Variants in SEH1L observed in about 807,000 individuals in gnomAD.
The protein encoded by SEH1L is nucleoporin SEH1.
In SEH1L, 18 loss-of-function variants were observed where a neutral mutation model predicts 49.5. The ratio of observed to expected loss-of-function variants is 0.36; its 90% CI spans 0.25 to 0.54. The LOEUF (loss-of-function observed/expected upper bound fraction) is 0.54, where lower values mean the gene tolerates loss of function less well. SEH1L is among the 20% of genes least tolerant of loss of function. The pLI, the probability that SEH1L is intolerant of heterozygous loss-of-function variation, is 0.87. For synonymous variants in SEH1L, 169 were observed against 178.1 expected (o/e 0.95, Z 0.41); for missense variants, 404 against 528.8 (o/e 0.76, Z 2.31).
intron 5 of SEH1L, 92 bp from the exon 6 acceptor site, chr18:12,978,660 T>G: frequency 9.7e-7 from 1 of 1,031,244 alleles, no homozygotes. Flanking sequence ...TACATGATTG[T>G]GAGCAGTGTG....
intron 3 of SEH1L, among the ~76,000 whole-genome samples, chr18:12,960,966 C>T (rs561596014): frequency 6.6e-6 from 1 of 152,134 alleles, no homozygotes; most frequent in Admixed American, 6.5e-5. Flanking sequence ...AAGTAAAATA[C>T]ATTTGGAAGA....
intron 8 of SEH1L, chr18:12,985,790 ATTTC>A: frequency 1.1e-6 from 1 of 946,754 alleles, no homozygotes; most frequent in Non-Finnish European, 1.3e-6. Flanking sequence ...CAACTCTGTC[ATTTC>A]TTTGTAATAT....
intron 5 of SEH1L, among the ~76,000 whole-genome samples, chr18:12,975,411 A>T (rs541609431): frequency 1.3e-5 from 2 of 152,142 alleles, no homozygotes; most frequent in East Asian, 3.9e-4. Context: ...AGCGCCTAGG[A>T]TATGGATGAG....
Position 12,978,417 on chromosome 18 carries a change from T to C in SEH1L, c.621-335T>C, listed in dbSNP as rs149216760. On this transcript the variant is annotated intron_variant, in intron 5 of 8. Transcript: ENST00000399892. ...AGCATAACTCCAATCTCTGCCTCTG[T>C]GTTCACATGGCTGCCTCCTCTCTGT... 291 of 181,654 alleles carry C rather than the reference T, an allele frequency of 1.6e-3. 1 individual carries two copies. Among genetic ancestry groups the C allele is most frequent in the African/African-American group, 6.2e-3 (262 of 42,520 alleles). 11.3% of individuals were successfully genotyped at this position (181,654 alleles called of 1,614,324 possible). A position where few individuals can be genotyped will look rare whatever the true frequency, so the allele number is the denominator to read the frequency against.
intron 3 of SEH1L, among the ~76,000 whole-genome samples, chr18:12,961,380 T>C (rs550494009): frequency 1.3e-5 from 2 of 152,270 alleles, no homozygotes; most frequent in East Asian, 3.9e-4. Context: ...CAATGATTAG[T>C]TTAGAGAGAA....
intron 3 of SEH1L, among the ~76,000 whole-genome samples, chr18:12,960,168 A>C (rs561826350): frequency 6.6e-6 from 1 of 152,334 alleles, no homozygotes; most frequent in Admixed American, 6.5e-5. Flanking sequence ...ATTTTTCTTT[A>C]CATGACGCTG....
intron 6 of SEH1L, among the ~76,000 whole-genome samples, chr18:12,980,441 CGG>C: frequency 1.2e-5 from 1 of 81,236 alleles, no homozygotes; most frequent in African/African-American, 5.8e-5. Context: ...ACCTCCCTCC[CGG>C]ACGGGGCGGC....
intron 3 of SEH1L, among the ~76,000 whole-genome samples, chr18:12,959,517 G>A (rs937426920): frequency 6.6e-6 from 1 of 152,086 alleles, no homozygotes; most frequent in Non-Finnish European, 1.5e-5. Context: ...CTTGAAATTC[G>A]GTATGCTTCA....
intron 4 of SEH1L, among the ~76,000 whole-genome samples, chr18:12,970,910 T>C (rs2031671814): frequency 6.6e-6 from 1 of 152,216 alleles, no homozygotes; most frequent in Admixed American, 6.5e-5. Context: ...CTCCTTTCTA[T>C]CTGAGCCATA....
chr18:12,955,332 A>C (rs577642602), intron 2 of SEH1L, 131 bp from the exon 3 acceptor site: 2 of 798,968 alleles, frequency 2.5e-6, no homozygotes, highest in East Asian at 5.1e-5. Flanking sequence ...TTCTTCTCTC[A>C]TAGAAGTAAA....
intron 7 of SEH1L, among the ~76,000 whole-genome samples, chr18:12,983,512 T>C (rs1302845111): frequency 6.6e-6 from 1 of 152,216 alleles, no homozygotes. Flanking sequence ...CTAACTTGAT[T>C]TTCTTGGGCT....
At chr18:12,978,475 C>G in intron 5 of SEH1L, 2 of 274,682 alleles carry the variant, frequency 7.3e-6, no homozygotes, top group Admixed American at 9.7e-5. Context: ...TTAAAGAATA[C>G]TTACTGCACG....
chr18:12,964,065 C>T (rs376406726), intron 4 of SEH1L, among the ~76,000 whole-genome samples: 1 of 152,200 alleles, frequency 6.6e-6, no homozygotes, highest in African/African-American at 2.4e-5. Flanking sequence ...CTTAAAGATA[C>T]ATTGTGGGCA....
At chr18:12,950,026 TTC>T (rs2030421828) in intron 1 of SEH1L, among the ~76,000 whole-genome samples, 1 of 152,054 alleles carries the variant, frequency 6.6e-6, no homozygotes, top group Non-Finnish European at 1.5e-5. Flanking sequence ...AATTTTTTTT[TTC>T]TTTTTTCTTT....
In SEH1L at chr18:12,968,737, G is replaced by C. The variant is rs891840867; in HGVS notation, c.522-2416G>C. Among the ~76,000 whole-genome samples the C allele has an allele frequency of 2.6e-5, 4 of 152,136 alleles. No individual in the cohort carries two copies. The East Asian group carries it at 7.7e-4, about 29-fold the overall frequency. On this transcript the variant is annotated intron_variant, in intron 4 of 8. Transcript: ENST00000399892. ...TTCATCATTTCAGTGGGCTTTTGGA[G>C]GGAGGCGGAGATCCAGGTGATCTGT...
intron 6 of SEH1L, among the ~76,000 whole-genome samples, chr18:12,981,010 C>T (rs1225517057): frequency 1.4e-5 from 2 of 147,774 alleles, no homozygotes; most frequent in African/African-American, 5.0e-5. Context: ...CGGAGGGGCT[C>T]CTCACTTCTC....
chr18:12,967,378 A>G (rs1352823441), intron 4 of SEH1L, among the ~76,000 whole-genome samples: 1 of 152,272 alleles, frequency 6.6e-6, no homozygotes, highest in Non-Finnish European at 1.5e-5. Context: ...CATAAGGCAC[A>G]TCCCAGCCTT....
chr18:12,967,266 A>G (rs1173207453), intron 4 of SEH1L, among the ~76,000 whole-genome samples: 6 of 152,162 alleles, frequency 3.9e-5, no homozygotes, highest in Non-Finnish European at 8.8e-5. Context: ...CTTTCTTTTT[A>G]AAGACAACTT....
intron 6 of SEH1L, among the ~76,000 whole-genome samples, chr18:12,981,850 A>T (rs12968559): frequency 0.34 from 30,121 of 87,848 alleles, 4,508 homozygotes; most frequent in Admixed American, 0.39. Flanking sequence ...TGCCCTGCCC[A>T]TTTTTTTTTT....
Sources: allele counts gnomAD v4.1 joint callset (sites outside exome capture counted in the v4.1 genomes callset), GRCh38; gene constraint gnomAD v4.1.1; transcripts MANE v1.5; gene names NCBI Gene and HGNC (gene_info 2026-07-23, HGNC 2026-07-21).